The following MCTP1 variants were observed in gnomAD, a reference collection of about 807,000 sequenced individuals.
MCTP1 encodes the protein multiple C2 and transmembrane domain containing 1, also known as multiple C2 and transmembrane domain-containing protein 1.
In MCTP1, 69 loss-of-function variants were observed where a neutral mutation model predicts 120.6. The ratio of observed to expected loss-of-function variants is 0.57; its 90% CI spans 0.47 to 0.70. The LOEUF (loss-of-function observed/expected upper bound fraction) is 0.70. Ranked by LOEUF, MCTP1 falls within the 30% of genes least tolerant of loss-of-function variation. The pLI is 0.00. For missense variants in MCTP1, 1,203 were observed against 1,248.8 expected, an observed-to-expected ratio of 0.96 and a Z score of 0.55; for synonymous variants, 529 against 493.1, an observed-to-expected ratio of 1.07 and a Z score of -0.96.
At chr5:94,809,005 A>G (rs1238489753) in intron 17 of MCTP1, among the ~76,000 whole-genome samples, 1 of 152,032 alleles carries the variant, frequency 6.6e-6, no homozygotes, top group Non-Finnish European at 1.5e-5. Context: ...TTTTTGAAAA[A>G]CATAGCTTGA....
At chr5:95,126,066 GT>G (rs1758606682) in intron 1 of MCTP1, among the ~76,000 whole-genome samples, 1 of 152,222 alleles carries the variant, frequency 6.6e-6, no homozygotes, top group East Asian at 1.9e-4. Flanking sequence ...CAATAAATTG[GT>G]TTTTTGTTTT....
intron 1 of MCTP1, among the ~76,000 whole-genome samples, chr5:95,126,141 A>G (rs973861144): frequency 6.6e-6 from 1 of 152,218 alleles, no homozygotes; most frequent in Admixed American, 6.5e-5. Flanking sequence ...AGATACTCAG[A>G]TGAAACTAAC....
intron 1 of MCTP1, among the ~76,000 whole-genome samples, chr5:95,209,350 T>C (rs978794129): frequency 3.9e-5 from 6 of 152,196 alleles, no homozygotes; most frequent in Non-Finnish European, 8.8e-5. Flanking sequence ...CTGAACTATT[T>C]GTGTTTTCCT....
intron 1 of MCTP1, among the ~76,000 whole-genome samples, chr5:95,047,761 T>C (rs1240372328): frequency 6.6e-6 from 1 of 152,080 alleles, no homozygotes; most frequent in Non-Finnish European, 1.5e-5. Context: ...TATTCATCTC[T>C]TCTTCCCCTT....
chr5:94,908,024 T>C (rs908279521), intron 10 of MCTP1, among the ~76,000 whole-genome samples: 4 of 152,086 alleles, frequency 2.6e-5, no homozygotes, highest in Admixed American at 2.6e-4. Context: ...ATTCGAGGAA[T>C]AGCTACTTAG....
At chr5:95,201,757 G>A (rs191691059) in intron 1 of MCTP1, among the ~76,000 whole-genome samples, 18 of 151,860 alleles carry the variant, frequency 1.2e-4, no homozygotes, top group South Asian at 4.2e-4. Flanking sequence ...CATCCGCCTC[G>A]GCCTCCCAAA....
chr5:94,958,561 C>T (rs148503829), intron 2 of MCTP1, among the ~76,000 whole-genome samples: 3,770 of 152,014 alleles, frequency 0.025, 150 homozygotes, highest in African/African-American at 0.084. Flanking sequence ...ATCAAATAGA[C>T]GCAATAAAAA....
At chr5:94,948,114 C>T (rs1819573481) in intron 3 of MCTP1, among the ~76,000 whole-genome samples, 1 of 152,018 alleles carries the variant, frequency 6.6e-6, no homozygotes, top group African/African-American at 2.4e-5. Context: ...GTAAAACAAA[C>T]AAACAAAAAC....
At chr5:94,991,003 C>A (rs1198817765) in intron 2 of MCTP1, among the ~76,000 whole-genome samples, 1 of 152,122 alleles carries the variant, frequency 6.6e-6, no homozygotes, top group Non-Finnish European at 1.5e-5. Flanking sequence ...CAAGCCCCTG[C>A]CATTCACCTA....
intron 1 of MCTP1, among the ~76,000 whole-genome samples, chr5:95,165,098 G>A (rs568323582): frequency 2.6e-5 from 4 of 152,220 alleles, no homozygotes; most frequent in Admixed American, 2.6e-4. Flanking sequence ...GATTCAACAG[G>A]AACTGAGAAA....
chr5:94,732,709 G>A (rs1763363263), intron 19 of MCTP1, among the ~76,000 whole-genome samples: 1 of 152,120 alleles, frequency 6.6e-6, no homozygotes, highest in South Asian at 2.1e-4. Context: ...ACCCTAGAGA[G>A]TTCTTCTGCT....
intron 1 of MCTP1, among the ~76,000 whole-genome samples, chr5:95,175,101 G>GA (rs1747809189): frequency 6.6e-6 from 1 of 152,042 alleles, no homozygotes; most frequent in East Asian, 1.9e-4. Flanking sequence ...GACACAGTGG[G>GA]AAAAAAATAG....
In MCTP1 at chr5:94,707,377, G is replaced by A. The variant is rs1261286248; in HGVS notation, c.*119C>T. ...TTGTACACTATTTACAGATTCTCTC[G>A]ATCATGATAAAAAGGCAAAATAAAT... is the stretch of plus-strand genomic sequence containing the variant. On this transcript the variant is annotated 3_prime_UTR_variant, in exon 23 of 23. Transcript: ENST00000515393. 18 of 723,944 alleles carry A rather than the reference G, an allele frequency of 2.5e-5. No homozygotes were observed. The highest frequency in any genetic ancestry group is 3.5e-5 in the Non-Finnish European group (15 of 425,268). The allele number at this position is 723,944 out of a possible 1,614,324, so 44.8% of individuals were successfully genotyped here.
intron 10 of MCTP1, among the ~76,000 whole-genome samples, chr5:94,895,549 A>C (rs1803768419): frequency 6.6e-6 from 1 of 152,202 alleles, no homozygotes; most frequent in Admixed American, 6.5e-5. Context: ...CCACAAGGCT[A>C]ATAAACGGAG....
At chr5:94,878,832 A>G (rs1037419203) in intron 12 of MCTP1, among the ~76,000 whole-genome samples, 4 of 148,836 alleles carry the variant, frequency 2.7e-5, no homozygotes, top group Non-Finnish European at 6.0e-5. Flanking sequence ...GCTACGTGTT[A>G]ATTAAAAAAA....
At chr5:95,109,664 A>G (rs1231797358) in intron 1 of MCTP1, among the ~76,000 whole-genome samples, 1 of 152,230 alleles carries the variant, frequency 6.6e-6, no homozygotes, top group African/African-American at 2.4e-5. Context: ...AGAAAATAAT[A>G]TAGAAGACAA....
intron 3 of MCTP1, among the ~76,000 whole-genome samples, chr5:94,949,460 C>T (rs1335885573): frequency 6.6e-6 from 1 of 151,980 alleles, no homozygotes; most frequent in Non-Finnish European, 1.5e-5. Flanking sequence ...ACAGAAAATG[C>T]TCTTTTCATT....
rs1561803983 is a variant in MCTP1 at position 94,885,797 on chromosome 5, ACT to A, written c.1933+3080_1933+3081del. Among the ~76,000 whole-genome samples the A allele has an allele frequency of 6.6e-5, 10 of 152,178 alleles. No homozygotes were observed. The South Asian group carries it at 2.1e-3, about 32-fold the overall frequency. ...TTGTACTGAGAGGTATTTTTCAGTG[ACT>A]CAAATTTTTTCCCTTACGAAGAATT... On this transcript the variant is annotated intron_variant, in intron 12 of 22. Coordinates refer to ENST00000515393, the MANE Select transcript of MCTP1 (RefSeq NM_024717.7).
chr5:94,719,725 G>C (rs1444683191), intron 19 of MCTP1, among the ~76,000 whole-genome samples: 2 of 152,112 alleles, frequency 1.3e-5, no homozygotes, highest in African/African-American at 2.4e-5. Flanking sequence ...ATGCATACAG[G>C]GCTTAATACC....
Sources: allele counts gnomAD v4.1 joint callset (sites outside exome capture counted in the v4.1 genomes callset), GRCh38; gene constraint gnomAD v4.1.1; transcripts MANE v1.5; gene names NCBI Gene and HGNC (gene_info 2026-07-23, HGNC 2026-07-21).